Variants in TSPAN16 observed in about 807,000 individuals in gnomAD.
The protein encoded by TSPAN16 is tetraspanin-16.
TSPAN16 carries 23 observed loss-of-function variants against 25.2 expected under a neutral mutation model. The observed-to-expected ratio is 0.91, with a 90% confidence interval of 0.66 to 1.29. The LOEUF (loss-of-function observed/expected upper bound fraction) is 1.29. Ranked by LOEUF, TSPAN16 falls within the 50% of genes most tolerant of loss-of-function variation. The pLI is 0.00. For missense variants in TSPAN16, 272 were observed against 299.9 expected, an observed-to-expected ratio of 0.91 and a Z score of 0.69; for synonymous variants, 123 against 124.4, an observed-to-expected ratio of 0.99 and a Z score of 0.08.
intron 4 of TSPAN16, among the ~76,000 whole-genome samples, chr19:11,302,678 T>TAC (rs144679719): frequency 0.054 from 6,883 of 126,432 alleles, 238 homozygotes; most frequent in Non-Finnish European, 0.069. Flanking sequence ...TATATATATA[T>TAC]ACACACACAC....
rs554099629 is a variant in TSPAN16, at chr19:11,296,170, G to C, written c.-128G>C. 1.0e-4 allele frequency: 98 copies of C among 955,508 alleles called. No individual in the cohort carries two copies. The East Asian group carries it at 2.4e-3, about 23-fold the overall frequency. 59.2% of individuals were successfully genotyped at this position (955,508 alleles called of 1,614,324 possible). Reference sequence around the variant, plus strand: ...CCTTGGACAACCATCAGGCAGCCAGGACACAGAGGGGCAGAGCAAGTCAGC... The same window carrying C: ...CCTTGGACAACCATCAGGCAGCCAGCACACAGAGGGGCAGAGCAAGTCAGC... On this transcript the variant is annotated 5_prime_UTR_variant, in exon 1 of 7. Coordinates refer to ENST00000590327, the MANE Select transcript of TSPAN16 (RefSeq NM_001282509.2).
chr19:11,309,763 C>T (rs2080670436), intron 5 of TSPAN16, among the ~76,000 whole-genome samples: 1 of 152,216 alleles, frequency 6.6e-6, no homozygotes, highest in African/African-American at 2.4e-5. Flanking sequence ...CTGTTTTATA[C>T]ATTGCTGGGT....
At chr19:11,297,098 A>T (rs1035505333) in intron 1 of TSPAN16, among the ~76,000 whole-genome samples, 1 of 152,116 alleles carries the variant, frequency 6.6e-6, no homozygotes, top group African/African-American at 2.4e-5. Context: ...ATTGTAGCAT[A>T]GTCTAAGGAA....
downstream of TSPAN16, among the ~76,000 whole-genome samples, chr19:11,320,608 G>A (rs1179724143): frequency 6.6e-6 from 1 of 151,666 alleles, no homozygotes; most frequent in Non-Finnish European, 1.5e-5. Context: ...AGGAGTTCGA[G>A]GCTGCAGTGA....
At chr19:11,306,180 A>G (rs1303514836) in intron 4 of TSPAN16, among the ~76,000 whole-genome samples, 2 of 152,142 alleles carry the variant, frequency 1.3e-5, no homozygotes, top group Non-Finnish European at 2.9e-5. Context: ...AGGCAGGAGA[A>G]TCACTGAGGA....
chr19:11,325,379 G>A (rs769901224), intron 6 of TSPAN16: 2 of 1,485,864 alleles, frequency 1.3e-6, no homozygotes, highest in Admixed American at 2.0e-5. Context: ...AGGGGTGGGT[G>A]GGGGGTTGGG....
At chr19:11,307,942 C>G (rs1203345767) in intron 5 of TSPAN16, 1 of 152,174 alleles carries the variant, frequency 6.6e-6, no homozygotes, top group African/African-American at 2.4e-5. Context: ...CCCCATTGGC[C>G]TGAGTCCATT....
intron 4 of TSPAN16, among the ~76,000 whole-genome samples, chr19:11,305,012 C>T (rs535306329): frequency 3.3e-5 from 5 of 152,098 alleles, no homozygotes; most frequent in African/African-American, 1.2e-4. Flanking sequence ...TTGAACTCGT[C>T]GCCTGAAGTG....
chr19:11,299,171 T>G (rs1053476314), intron 3 of TSPAN16, among the ~76,000 whole-genome samples: 19 of 151,490 alleles, frequency 1.3e-4, no homozygotes, highest in African/African-American at 4.6e-4. Context: ...ATCCAGCTAC[T>G]CAGGAGGCTG....
intron 6 of TSPAN16, among the ~76,000 whole-genome samples, chr19:11,313,605 T>G (rs2080716358): frequency 6.6e-6 from 1 of 152,040 alleles, no homozygotes; most frequent in Admixed American, 6.6e-5. Flanking sequence ...AATAGAGATT[T>G]TTATCCAAAG....
At chr19:11,302,843 T>G (rs1243395467) in intron 4 of TSPAN16, among the ~76,000 whole-genome samples, 2 of 150,882 alleles carry the variant, frequency 1.3e-5, no homozygotes, top group African/African-American at 4.9e-5. Flanking sequence ...CTCAGCCTCT[T>G]GAGTAGCTGG....
chr19:11,325,624 T>TG (rs768285417), intron 6 of TSPAN16: 1 of 1,380,554 alleles, frequency 7.2e-7, no homozygotes, highest in Non-Finnish European at 9.5e-7. Context: ...GTAAGACCCC[T>TG]GAGGGCAGAG....
rs1322861353 is a variant in TSPAN16 at position 11,303,577 on chromosome 19, T to TAAAA, written c.450+2286_450+2289dup. Among the ~76,000 whole-genome samples, 107 of 78,228 alleles carry TAAAA rather than the reference T, an allele frequency of 1.4e-3. 1 individual carries two copies. Among genetic ancestry groups the TAAAA allele is most frequent in the South Asian group, 2.1e-3 (5 of 2,330 alleles). The allele number at this position is 78,228 out of a possible 152,430, so 51.3% of individuals were successfully genotyped here. A position where few individuals can be genotyped will look rare whatever the true frequency, so the allele number is the denominator to read the frequency against. ...ATAAAAAATAAATAAATAAATAAAT[T>TAAAA]AAAAAAAAAAAAAAAAAAAACTCCT... is the stretch of plus-strand genomic sequence containing the variant. On this transcript the variant is annotated intron_variant, in intron 4 of 6. Transcript: ENST00000590327.
chr19:11,306,472 G>A (rs1321952165), intron 4 of TSPAN16, 132 bp from the exon 5 acceptor site: 2 of 1,125,144 alleles, frequency 1.8e-6, no homozygotes, highest in Non-Finnish European at 2.6e-6. Flanking sequence ...GTGATGGGAT[G>A]TTTGTAAGAG....
chr19:11,301,036 C>G (rs1280722682), intron 3 of TSPAN16, 165 bp from the exon 4 acceptor site: 5 of 591,540 alleles, frequency 8.5e-6, no homozygotes, highest in South Asian at 1.9e-5. Context: ...GGCACAGTAG[C>G]CTTCGTGTGT....
intron 5 of TSPAN16, 158 bp downstream of exon 5, chr19:11,306,914 C>T: frequency 1.6e-6 from 1 of 644,536 alleles, no homozygotes; most frequent in Middle Eastern, 4.6e-4. Flanking sequence ...CTCCCAGGTT[C>T]AAGTGATTCT....
In TSPAN16 at chr19:11,302,885, AT is replaced by A. The variant is rs768528967; in HGVS notation, c.450+1594del. On this transcript the variant is annotated intron_variant, in intron 4 of 6. Coordinates refer to ENST00000590327, the MANE Select transcript of TSPAN16 (RefSeq NM_001282509.2). ...AGGTTCGTGCCACCATGCCTGGCTA[AT>A]TTTTTTTTTTTTTTTTGTAGATATG... Among the ~76,000 whole-genome samples the A allele has an allele frequency of 2.8e-3, 374 of 135,010 alleles. 2 individuals carry two copies. Among genetic ancestry groups the A allele is most frequent in the Middle Eastern group, 0.011 (3 of 262 alleles). The allele number at this position is 135,010 out of a possible 152,430, so 88.6% of individuals were successfully genotyped here.
intron 5 of TSPAN16, among the ~76,000 whole-genome samples, chr19:11,311,065 G>A (rs563798183): frequency 1.3e-5 from 2 of 152,196 alleles, no homozygotes; most frequent in Non-Finnish European, 1.5e-5. Flanking sequence ...TCGAACTCCT[G>A]GGCTCAGGGA....
chr19:11,306,863 T>C, intron 5 of TSPAN16, 107 bp downstream of exon 5: 1 of 1,143,776 alleles, frequency 8.7e-7, no homozygotes, highest in Non-Finnish European at 1.2e-6. Context: ...TCACCCAGGC[T>C]GGAGTGCAGT....
Sources: allele counts gnomAD v4.1 joint callset (sites outside exome capture counted in the v4.1 genomes callset), GRCh38; gene constraint gnomAD v4.1.1; transcripts MANE v1.5; gene names NCBI Gene and HGNC (gene_info 2026-07-23, HGNC 2026-07-21).